The following RALGAPA1 variants were observed in gnomAD, a reference collection of about 807,000 sequenced individuals.
The protein encoded by RALGAPA1 is ral GTPase-activating protein subunit alpha-1.
RALGAPA1 carries 52 observed loss-of-function variants against 269.6 expected under a neutral mutation model. The ratio of observed to expected loss-of-function variants is 0.19; its 90% CI spans 0.15 to 0.24. RALGAPA1 has a LOEUF of 0.24. Among genes scored for constraint, RALGAPA1 ranks in the 10% least tolerant of loss-of-function variants. The pLI, the probability that RALGAPA1 is intolerant of heterozygous loss-of-function variation, is 1.00. For missense variants in RALGAPA1, 1,917 were observed against 3,013.9 expected (o/e 0.64, Z 8.52); for synonymous variants, 817 against 1,008.3 (o/e 0.81, Z 3.60).
At chr14:35,806,663 A>G (rs1380570814) in intron 1 of RALGAPA1, among the ~76,000 whole-genome samples, 1 of 152,160 alleles carries the variant, frequency 6.6e-6, no homozygotes, top group Non-Finnish European at 1.5e-5. Context: ...GTCCCATATG[A>G]ACTATGAACT....
intron 17 of RALGAPA1, among the ~76,000 whole-genome samples, chr14:35,697,331 T>G (rs1252192315): frequency 6.8e-6 from 1 of 148,034 alleles, no homozygotes; most frequent in African/African-American, 2.5e-5. Context: ...ATAAACAGTG[T>G]TTTTTTTTGT....
At chr14:35,784,044 A>C (rs144370847) in intron 1 of RALGAPA1, among the ~76,000 whole-genome samples, 2 of 152,244 alleles carry the variant, frequency 1.3e-5, no homozygotes, top group East Asian at 3.9e-4. Flanking sequence ...ATGGCCCAGC[A>C]ATTCCATTCC....
intron 1 of RALGAPA1, among the ~76,000 whole-genome samples, chr14:35,787,073 TTCTC>T (rs1305811865): frequency 3.3e-5 from 5 of 152,212 alleles, no homozygotes; most frequent in African/African-American, 4.8e-5. Context: ...GATATGACTC[TTCTC>T]TCTTATACTC....
At chr14:35,775,596 A>C in intron 2 of RALGAPA1, 39 bp downstream of exon 2, 1 of 1,542,112 alleles carries the variant, frequency 6.5e-7, no homozygotes, top group Non-Finnish European at 8.7e-7. Context: ...CAATTATTAG[A>C]AATATTAACA....
At chr14:35,618,193 A>G (rs1454550048) in intron 35 of RALGAPA1, among the ~76,000 whole-genome samples, 1 of 152,124 alleles carries the variant, frequency 6.6e-6, no homozygotes, top group Non-Finnish European at 1.5e-5. Flanking sequence ...ACAAAAAATA[A>G]CTACATAATC....
At chr14:35,636,239 A>T (rs2061657482) in intron 31 of RALGAPA1, among the ~76,000 whole-genome samples, 1 of 152,210 alleles carries the variant, frequency 6.6e-6, no homozygotes, top group Admixed American at 6.5e-5. Flanking sequence ...TGAATGCTAT[A>T]AACAGGTCAC....
At chr14:35,652,178 T>A (rs2062871637) in intron 30 of RALGAPA1, among the ~76,000 whole-genome samples, 1 of 152,056 alleles carries the variant, frequency 6.6e-6, no homozygotes, top group East Asian at 1.9e-4. Flanking sequence ...AAATATATGT[T>A]CATTATAGAA....
At chr14:35,584,620 T>C (rs899684037) in intron 37 of RALGAPA1, among the ~76,000 whole-genome samples, 46 of 152,046 alleles carry the variant, frequency 3.0e-4, no homozygotes, top group African/African-American at 1.1e-3. Flanking sequence ...AAATGTATAG[T>C]GTAAACTCTA....
chr14:35,619,593 T>C (rs1052293115), intron 35 of RALGAPA1, among the ~76,000 whole-genome samples: 1 of 152,216 alleles, frequency 6.6e-6, no homozygotes, highest in East Asian at 1.9e-4. Flanking sequence ...ACAAAATTCA[T>C]AGACTGCTAG....
intron 1 of RALGAPA1, among the ~76,000 whole-genome samples, chr14:35,780,986 C>T (rs561883940): frequency 1.3e-5 from 2 of 151,888 alleles, no homozygotes; most frequent in African/African-American, 2.4e-5. Flanking sequence ...AAAGAGCAAA[C>T]TAATCCTAAA....
At chr14:35,695,293 T>C (rs2066813243) in intron 17 of RALGAPA1, among the ~76,000 whole-genome samples, 2 of 151,892 alleles carry the variant, frequency 1.3e-5, no homozygotes, top group African/African-American at 2.4e-5. Flanking sequence ...GTGGAAAATA[T>C]GTAAAATATT....
Position 35,572,598 on chromosome 14 carries a change from T to A in RALGAPA1, c.7330A>T (p.Asn2444Tyr), listed in dbSNP as rs746367652. The change falls in exon 38 of 42, where the codon AAT becomes TAT. Residue 2444 changes from asparagine (N) to tyrosine (Y), a missense_variant. Physicochemically the swap from Asn to Tyr is moderately radical, Grantham distance 143 (BLOSUM62 -2). This residue lies in a region of RALGAPA1 where 91 missense variants were observed against 130.9 expected (regional missense o/e 0.70). Transcript: ENST00000680220. ...ATTATCTGAATACTGAACATGTGAT[T>A]TTTCATTGGATATATTACAATAAGG... is the stretch of plus-strand genomic sequence containing the variant. ...DVLIVIYPMK[N>Y]HMFSIQIMKK... The A allele has an allele frequency of 6.2e-7, 1 of 1,606,284 alleles. No homozygotes were observed. The highest frequency in any genetic ancestry group is 8.5e-7 in the Non-Finnish European group (1 of 1,176,850).
At chr14:35,610,090 A>C (rs1315311997) in intron 35 of RALGAPA1, among the ~76,000 whole-genome samples, 1 of 151,962 alleles carries the variant, frequency 6.6e-6, no homozygotes, top group Non-Finnish European at 1.5e-5. Flanking sequence ...TAAGATGATC[A>C]ACAAAATTAA....
chr14:35,752,942 G>GTA (rs2072858437), intron 7 of RALGAPA1, among the ~76,000 whole-genome samples: 1 of 152,146 alleles, frequency 6.6e-6, no homozygotes, highest in Non-Finnish European at 1.5e-5. Context: ...GAACCCTGTG[G>GTA]TACTAGACTA....
intron 39 of RALGAPA1, among the ~76,000 whole-genome samples, chr14:35,561,142 G>A (rs958327641): frequency 5.6e-5 from 8 of 141,664 alleles, no homozygotes; most frequent in Non-Finnish European, 1.1e-4. Context: ...CAGGAGAAAC[G>A]CTTGAAACTG....
At chr14:35,604,838 A>G (rs2059496991) in intron 36 of RALGAPA1, among the ~76,000 whole-genome samples, 1 of 152,104 alleles carries the variant, frequency 6.6e-6, no homozygotes, top group African/African-American at 2.4e-5. Context: ...AATTACCCAC[A>G]TCAGATTTAC....
At chr14:35,571,927 TAATC>T (rs1175887847) in intron 38 of RALGAPA1, among the ~76,000 whole-genome samples, 5 of 152,166 alleles carry the variant, frequency 3.3e-5, no homozygotes, top group Non-Finnish European at 7.3e-5. Flanking sequence ...TGAAGATTCT[TAATC>T]AATTGTCAAA....
chr14:35,716,510 C>T (rs1312476735), intron 16 of RALGAPA1, among the ~76,000 whole-genome samples: 1 of 151,666 alleles, frequency 6.6e-6, no homozygotes, highest in Non-Finnish European at 1.5e-5. Context: ...CATTATCACA[C>T]CTAAGAAAAT....
intron 35 of RALGAPA1, among the ~76,000 whole-genome samples, chr14:35,623,807 C>T (rs781423689): frequency 1.3e-5 from 2 of 152,310 alleles, no homozygotes; most frequent in African/African-American, 2.4e-5. Context: ...AGGCCGGGCG[C>T]GGTGGCTCAC....
Sources: gnomAD v4.1 joint callset for allele counts (sites outside exome capture counted in the v4.1 genomes callset) on GRCh38, gnomAD v4.1.1 for gene constraint, gnomAD v4.1.1 regional missense constraint, MANE v1.5 for transcripts, NCBI Gene and HGNC (gene_info 2026-07-23, HGNC 2026-07-21) for gene names.